CYSTM1: variants seen among roughly 807,000 people sequenced by gnomAD.
The protein encoded by CYSTM1 is cysteine-rich transmembrane module-containing protein 1.
Under a neutral mutation model 13.1 loss-of-function variants are expected in CYSTM1, and 4 were observed. The observed-to-expected ratio is 0.31, with a 90% confidence interval of 0.15 to 0.70. The LOEUF (loss-of-function observed/expected upper bound fraction) is 0.70, where lower values mean the gene tolerates loss of function less well. CYSTM1 is among the 30% of genes least tolerant of loss of function. The pLI, the probability that CYSTM1 is intolerant of heterozygous loss-of-function variation, is 0.72. For missense variants in CYSTM1, 96 were observed against 121.6 expected (o/e 0.79, Z 0.99); for synonymous variants, 36 against 42.7 (o/e 0.84, Z 0.62).
At chr5:140,238,406 T>C (rs1764709377) in intron 2 of CYSTM1, among the ~76,000 whole-genome samples, 1 of 152,214 alleles carries the variant, frequency 6.6e-6, no homozygotes, top group African/African-American at 2.4e-5. Context: ...TCTGCCCAGA[T>C]ATTCCCTGGA....
intron 2 of CYSTM1, among the ~76,000 whole-genome samples, chr5:140,235,159 G>A (rs1764665787): frequency 1.3e-5 from 2 of 151,422 alleles, no homozygotes. Context: ...GTAGAGATGG[G>A]GTTTCGCCAT....
chr5:140,192,415 A>G (rs1181569531), intron 1 of CYSTM1, among the ~76,000 whole-genome samples: 1 of 152,188 alleles, frequency 6.6e-6, no homozygotes, highest in East Asian at 1.9e-4. Context: ...TTACCTTACC[A>G]TTGGTTTCCA....
chr5:140,194,762 G>C, intron 2 of CYSTM1, 110 bp downstream of exon 2: 1 of 1,351,652 alleles, frequency 7.4e-7, no homozygotes, highest in East Asian at 2.6e-5. Flanking sequence ...ACTTGTGCTT[G>C]ATGTCCCCAA....
At chr5:140,214,639 T>C (rs899117466) in intron 2 of CYSTM1, among the ~76,000 whole-genome samples, 2 of 152,170 alleles carry the variant, frequency 1.3e-5, no homozygotes, top group African/African-American at 4.8e-5. Context: ...TTAAAAAACA[T>C]GACACACATA....
chr5:140,235,013 C>T (rs1347972408), intron 2 of CYSTM1, among the ~76,000 whole-genome samples: 2 of 149,294 alleles, frequency 1.3e-5, no homozygotes, highest in Non-Finnish European at 3.0e-5. Flanking sequence ...CTTGCCCAGG[C>T]AGGAGTTCAG....
intron 1 of CYSTM1, among the ~76,000 whole-genome samples, chr5:140,184,045 G>C (rs541289797): frequency 2.0e-5 from 3 of 152,130 alleles, no homozygotes; most frequent in Admixed American, 6.5e-5. Flanking sequence ...GATTAGCAAG[G>C]GTTTTAACTT....
intron 2 of CYSTM1, chr5:140,200,300 A>T (rs144453842): frequency 1.2e-3 from 189 of 152,252 alleles, no homozygotes; most frequent in African/African-American, 4.4e-3. Context: ...TTTTTGTATA[A>T]GGTATAAGGA....
chr5:140,179,904 C>T (rs1763943091), intron 1 of CYSTM1, among the ~76,000 whole-genome samples: 1 of 152,048 alleles, frequency 6.6e-6, no homozygotes, highest in Admixed American at 6.5e-5. Flanking sequence ...CTCAGGTGAT[C>T]CACCCGCCTC....
At chr5:140,176,888 T>C (rs891541296) in intron 1 of CYSTM1, among the ~76,000 whole-genome samples, 5 of 151,872 alleles carry the variant, frequency 3.3e-5, no homozygotes, top group African/African-American at 1.2e-4. Flanking sequence ...ACTAACACGG[T>C]GAAACCCCGT....
intron 2 of CYSTM1, among the ~76,000 whole-genome samples, chr5:140,209,472 C>G (rs1764337916): frequency 6.6e-6 from 1 of 151,538 alleles, no homozygotes; most frequent in South Asian, 2.1e-4. Flanking sequence ...CTCTGTTGCC[C>G]AGGCTAGGGT....
chr5:140,214,630 TA>T (rs11334586), intron 2 of CYSTM1, among the ~76,000 whole-genome samples: 73,184 of 152,016 alleles, frequency 0.48, 17,827 homozygotes, highest in South Asian at 0.71. Context: ...TACCCAGTCT[TA>T]AAAAACATGA....
intron 2 of CYSTM1, among the ~76,000 whole-genome samples, chr5:140,226,131 A>C (rs1764546372): frequency 6.6e-6 from 1 of 152,194 alleles, no homozygotes; most frequent in African/African-American, 2.4e-5. Flanking sequence ...AATGCTTTCC[A>C]ATGTGCGAAG....
chr5:140,220,087 GTTT>G (rs1764472598), intron 2 of CYSTM1, among the ~76,000 whole-genome samples: 1 of 152,180 alleles, frequency 6.6e-6, no homozygotes, highest in Admixed American at 6.5e-5. Flanking sequence ...GACATTGGGG[GTTT>G]TTGGTTTCTA....
At chr5:140,199,803 A>G (rs1274174071) in intron 2 of CYSTM1, among the ~76,000 whole-genome samples, 1 of 152,142 alleles carries the variant, frequency 6.6e-6, no homozygotes, top group Non-Finnish European at 1.5e-5. Flanking sequence ...TGACTTTTTA[A>G]TGATCACCAT....
At chr5:140,209,002 G>A (rs1488997662) in intron 2 of CYSTM1, among the ~76,000 whole-genome samples, 1 of 149,370 alleles carries the variant, frequency 6.7e-6, no homozygotes, top group Non-Finnish European at 1.5e-5. Context: ...TCACGCCACT[G>A]CACTCCAGCC....
chr5:140,227,772 C>T (rs576484036), intron 2 of CYSTM1, among the ~76,000 whole-genome samples: 1 of 152,270 alleles, frequency 6.6e-6, no homozygotes, highest in Non-Finnish European at 1.5e-5. Flanking sequence ...AGCTAGGCCC[C>T]ACCCTTCTGC....
intron 2 of CYSTM1, among the ~76,000 whole-genome samples, chr5:140,226,608 AT>A (rs1446345578): frequency 3.5e-5 from 4 of 114,458 alleles, no homozygotes; most frequent in East Asian, 2.2e-4. Flanking sequence ...ATATATATAT[AT>A]ATAAAAATTA....
At chr5:140,208,058 G>GGT (rs758207164) in intron 2 of CYSTM1, among the ~76,000 whole-genome samples, 4 of 152,074 alleles carry the variant, frequency 2.6e-5, no homozygotes, top group Non-Finnish European at 4.4e-5. Context: ...TAAAAATAGA[G>GGT]GTACTCTATG....
intron 1 of CYSTM1, among the ~76,000 whole-genome samples, chr5:140,177,532 G>T (rs1424592779): frequency 6.6e-6 from 1 of 152,196 alleles, no homozygotes; most frequent in Non-Finnish European, 1.5e-5. Context: ...TGGGAATTGC[G>T]AAGGAAGGTG....
Sources: gnomAD v4.1 joint callset for allele counts (sites outside exome capture counted in the v4.1 genomes callset) on GRCh38, gnomAD v4.1.1 for gene constraint, MANE v1.5 for transcripts, NCBI Gene and HGNC (gene_info 2026-07-23, HGNC 2026-07-21) for gene names.